PTPRD: variants seen among roughly 807,000 people sequenced by gnomAD.
The protein encoded by PTPRD is receptor-type tyrosine-protein phosphatase delta.
Under a neutral mutation model 214.5 loss-of-function variants are expected in PTPRD, and 34 were observed. The ratio of observed to expected loss-of-function variants is 0.16; its 90% CI spans 0.12 to 0.21. The LOEUF (loss-of-function observed/expected upper bound fraction) is 0.21, where lower values mean the gene tolerates loss of function less well. PTPRD is among the 10% of genes least tolerant of loss of function. The pLI, the probability that PTPRD is intolerant of heterozygous loss-of-function variation, is 1.00. For synonymous variants in PTPRD, 1,128 were observed against 845.7 expected, an observed-to-expected ratio of 1.33 and a Z score of -5.79; for missense variants, 2,545 against 2,398.7, an observed-to-expected ratio of 1.06 and a Z score of -1.27.
rs1821371981 is a variant in PTPRD at position 8,315,827 on chromosome 9, G to C, written c.*2047C>G. The C allele has an allele frequency of 4.4e-6, 1 of 225,666 alleles. No individual in the cohort carries two copies. The highest frequency in any genetic ancestry group is 2.2e-5 in the African/African-American group (1 of 44,862). The allele number at this position is 225,666 out of a possible 1,614,324, so 14.0% of individuals were successfully genotyped here. A position where few individuals can be genotyped will look rare whatever the true frequency, so the allele number is the denominator to read the frequency against. ...GTATACTCATACCAAAACTCTTTAAGAGTTCCTTGGGTATTTTGAGGATTA... is the reference window on the plus strand; with the variant it reads ...GTATACTCATACCAAAACTCTTTAACAGTTCCTTGGGTATTTTGAGGATTA... On this transcript the variant is annotated 3_prime_UTR_variant, in exon 46 of 46. Coordinates refer to ENST00000381196, the MANE Select transcript of PTPRD (RefSeq NM_002839.4).
intron 10 of PTPRD, among the ~76,000 whole-genome samples, chr9:9,069,670 T>C (rs983628240): frequency 1.3e-5 from 2 of 152,234 alleles, no homozygotes; most frequent in Non-Finnish European, 2.9e-5. Flanking sequence ...GTGTCGTGCC[T>C]GACTCAGCAC....
chr9:9,909,778 GT>G (rs113536313), intron 5 of PTPRD, among the ~76,000 whole-genome samples: 3 of 150,164 alleles, frequency 2.0e-5, no homozygotes, highest in Admixed American at 1.3e-4. Flanking sequence ...TGGATTGAAT[GT>G]TTTTTTTTGT....
At chr9:8,844,435 T>C (rs1313435689) in intron 11 of PTPRD, among the ~76,000 whole-genome samples, 3 of 152,202 alleles carry the variant, frequency 2.0e-5, no homozygotes, top group African/African-American at 7.2e-5. Flanking sequence ...TATTTTTTAT[T>C]TAATATGAAC....
At chr9:9,395,512 G>A (rs2067463885) in intron 9 of PTPRD, among the ~76,000 whole-genome samples, 1 of 152,072 alleles carries the variant, frequency 6.6e-6, no homozygotes, top group Admixed American at 6.6e-5. Flanking sequence ...AACTTCAATT[G>A]ATTTTGAAAC....
At chr9:9,884,395 T>C (rs781690077) in intron 5 of PTPRD, among the ~76,000 whole-genome samples, 3 of 152,176 alleles carry the variant, frequency 2.0e-5, no homozygotes, top group Non-Finnish European at 4.4e-5. Context: ...GTCAGGAAGA[T>C]ACCTCTTCTC....
At chr9:8,318,273 G>A (rs865868291) in intron 45 of PTPRD, among the ~76,000 whole-genome samples, 5 of 151,894 alleles carry the variant, frequency 3.3e-5, no homozygotes, top group Non-Finnish European at 5.9e-5. Context: ...CTTCTTACAT[G>A]CCTTATAAGC....
At position 8,580,001 on chromosome 9, in the gene PTPRD, T is replaced by C. The variant is rs185781711; in HGVS notation, c.353-51222A>G. ...ACTCCTGGGTGGTAGCTATGAACAT[T>C]CATCAGGGTTTGCAGGGATTACAAG... On this transcript the variant is annotated intron_variant, in intron 14 of 45. Coordinates refer to ENST00000381196, the MANE Select transcript of PTPRD (RefSeq NM_002839.4). Among the ~76,000 whole-genome samples, 132 of 152,288 alleles carry C rather than the reference T, an allele frequency of 8.7e-4. 2 individuals are homozygous for C. The highest frequency in any genetic ancestry group is 3.1e-3 in the African/African-American group (128 of 41,564).
At chr9:10,153,195 G>A (rs1024564428) in intron 3 of PTPRD, among the ~76,000 whole-genome samples, 2 of 152,060 alleles carry the variant, frequency 1.3e-5, no homozygotes, top group South Asian at 4.1e-4. Flanking sequence ...ATAAGCATGT[G>A]AGGTGATAGA....
chr9:9,896,630 A>G (rs1362273331), intron 5 of PTPRD, among the ~76,000 whole-genome samples: 2 of 152,086 alleles, frequency 1.3e-5, no homozygotes, highest in Non-Finnish European at 2.9e-5. Context: ...AACGAATTAG[A>G]TCCGAGGAAT....
chr9:9,537,728 G>A (rs1488612686), intron 8 of PTPRD, among the ~76,000 whole-genome samples: 1 of 151,786 alleles, frequency 6.6e-6, no homozygotes, highest in Non-Finnish European at 1.5e-5. Flanking sequence ...AAACCTCACT[G>A]TTAAAAATAA....
intron 12 of PTPRD, among the ~76,000 whole-genome samples, chr9:8,687,878 G>C (rs962625326): frequency 2.0e-5 from 3 of 152,016 alleles, no homozygotes; most frequent in Non-Finnish European, 4.4e-5. Flanking sequence ...TTAAAATTGA[G>C]AGGCCTTGGT....
chr9:8,711,402 A>T (rs2098329733), intron 12 of PTPRD, among the ~76,000 whole-genome samples: 1 of 152,180 alleles, frequency 6.6e-6, no homozygotes, highest in African/African-American at 2.4e-5. Context: ...TGTACCTTTA[A>T]AAAGGCCTTG....
chr9:8,393,694 C>G (rs1307586470), intron 36 of PTPRD, among the ~76,000 whole-genome samples: 1 of 152,026 alleles, frequency 6.6e-6, no homozygotes, highest in Non-Finnish European at 1.5e-5. Context: ...GTTTCATGTG[C>G]ATTCTCTAAT....
intron 2 of PTPRD, among the ~76,000 whole-genome samples, chr9:10,480,844 C>G (rs1011162234): frequency 6.6e-5 from 10 of 151,984 alleles, no homozygotes; most frequent in African/African-American, 2.4e-4. Context: ...AATATTTCCA[C>G]AACTTATTTA....
intron 31 of PTPRD, among the ~76,000 whole-genome samples, chr9:8,468,357 GA>G (rs1310696436): frequency 6.6e-6 from 1 of 152,074 alleles, no homozygotes; most frequent in East Asian, 1.9e-4. Flanking sequence ...ACAATGCAGT[GA>G]AAAGCTCATG....
chr9:9,117,550 C>T (rs940336806), intron 10 of PTPRD, among the ~76,000 whole-genome samples: 9 of 152,140 alleles, frequency 5.9e-5, no homozygotes, highest in African/African-American at 2.2e-4. Flanking sequence ...GGTAGGCCAA[C>T]TGAGGAACAA....
At chr9:8,890,131 T>A (rs1209977527) in intron 11 of PTPRD, among the ~76,000 whole-genome samples, 4 of 152,152 alleles carry the variant, frequency 2.6e-5, no homozygotes, top group Non-Finnish European at 4.4e-5. Flanking sequence ...AGATATATGA[T>A]CAAAATAAAT....
At chr9:9,711,400 A>T (rs2097726771) in intron 7 of PTPRD, among the ~76,000 whole-genome samples, 1 of 152,164 alleles carries the variant, frequency 6.6e-6, no homozygotes, top group Non-Finnish European at 1.5e-5. Flanking sequence ...TAATATATGC[A>T]CTTTGTTCCT....
intron 12 of PTPRD, among the ~76,000 whole-genome samples, chr9:8,684,460 C>A (rs1007255246): frequency 2.7e-5 from 4 of 149,040 alleles, no homozygotes; most frequent in African/African-American, 1.0e-4. Flanking sequence ...ACTCCTCTTT[C>A]CTTCAATGAT....
Sources: gnomAD v4.1 joint callset for allele counts (sites outside exome capture counted in the v4.1 genomes callset) on GRCh38, gnomAD v4.1.1 for gene constraint, MANE v1.5 for transcripts, NCBI Gene and HGNC (gene_info 2026-07-23, HGNC 2026-07-21) for gene names.